The following ASPSCR1 variants were observed in gnomAD, a reference collection of about 807,000 sequenced individuals.
ASPSCR1 encodes ASPSCR1 tether for SLC2A4, UBX domain containing.
Under a neutral mutation model 68.9 loss-of-function variants are expected in ASPSCR1, and 55 were observed. The ratio of observed to expected loss-of-function variants is 0.80; its 90% CI spans 0.64 to 1.00. ASPSCR1 has a LOEUF of 1.00. ASPSCR1 is among the 50% of genes least tolerant of loss of function. The pLI is 0.00. For missense variants in ASPSCR1, 765 were observed against 762.2 expected, an observed-to-expected ratio of 1.00 and a Z score of -0.04; for synonymous variants, 352 against 332.6, an observed-to-expected ratio of 1.06 and a Z score of -0.63.
rs372283666 is a variant in ASPSCR1 at position 82,009,034 on chromosome 17, C to CAGCCCGTGGACCGGG, written c.951_965dup. On this transcript the variant is annotated splice_polypyrimidine_tract_variant and splice_region_variant and intron_variant, in intron 7 of 15. Coordinates refer to ENST00000306739, the MANE Select transcript of ASPSCR1 (RefSeq NM_024083.4). ...CGCCGTCAGCCGCGCCCTCTGCCTC[C>CAGCCCGTGGACCGGG]AGCCCGTGGACCGGGAGCCCGTGGA... The CAGCCCGTGGACCGGG allele has an allele frequency of 2.3e-3, 3,518 of 1,532,322 alleles. 9 individuals carry two copies. The highest frequency in any genetic ancestry group is 3.4e-3 in the East Asian group (139 of 40,436). The allele number at this position is 1,532,322 out of a possible 1,614,324, so 94.9% of individuals were successfully genotyped here.
intron 7 of ASPSCR1, among the ~76,000 whole-genome samples, chr17:82,003,978 G>T (rs1284198394): frequency 6.6e-6 from 1 of 152,278 alleles, no homozygotes; most frequent in Non-Finnish European, 1.5e-5. Context: ...GCCGGGCCGA[G>T]ACGGTGGGAG....
chr17:82,002,503 C>A (rs886717817), intron 7 of ASPSCR1, among the ~76,000 whole-genome samples: 3 of 152,086 alleles, frequency 2.0e-5, no homozygotes, highest in Non-Finnish European at 4.4e-5. Flanking sequence ...GATCCACTTG[C>A]ATCGGCCTCC....
At chr17:81,994,119 C>T (rs1399077716) in intron 4 of ASPSCR1, among the ~76,000 whole-genome samples, 1 of 152,258 alleles carries the variant, frequency 6.6e-6, no homozygotes, top group African/African-American at 2.4e-5. Context: ...CGGCATGTGC[C>T]CGTCTCCCGG....
chr17:81,981,992 G>A (rs553410002), intron 2 of ASPSCR1, among the ~76,000 whole-genome samples: 21 of 148,880 alleles, frequency 1.4e-4, no homozygotes, highest in Non-Finnish European at 2.4e-4. Context: ...TTTTTGAGAC[G>A]GAGTCTCGCT....
intron 2 of ASPSCR1, among the ~76,000 whole-genome samples, chr17:81,981,601 A>G (rs1218003605): frequency 6.6e-6 from 1 of 152,160 alleles, no homozygotes; most frequent in East Asian, 1.9e-4. Flanking sequence ...CTGGTCTTCA[A>G]GTCCTGACCT....
At chr17:81,985,007 CCTG>C (rs1412121587) in intron 3 of ASPSCR1, among the ~76,000 whole-genome samples, 3 of 132,158 alleles carry the variant, frequency 2.3e-5, no homozygotes, top group Admixed American at 1.5e-4. Flanking sequence ...CCCCCACACA[CCTG>C]CACACACCGC....
chr17:81,991,591 G>A (rs2042168419), intron 4 of ASPSCR1, among the ~76,000 whole-genome samples: 1 of 152,302 alleles, frequency 6.6e-6, no homozygotes, highest in Admixed American at 6.5e-5. Context: ...GTCCGTCCTT[G>A]TCCATTCCTG....
chr17:81,985,937 C>T (rs967206816), intron 4 of ASPSCR1, among the ~76,000 whole-genome samples: 4 of 152,100 alleles, frequency 2.6e-5, no homozygotes, highest in African/African-American at 9.7e-5. Context: ...GCAGGGCTCC[C>T]CATGCTTGAT....
chr17:82,016,180 C>G, intron 12 of ASPSCR1: 1 of 446,196 alleles, frequency 2.2e-6, no homozygotes, highest in Middle Eastern at 6.0e-4. Context: ...GTGCAGAGGC[C>G]AGAGGAGGGA....
At chr17:81,985,469 T>C (rs2041965842) in intron 3 of ASPSCR1, 38 bp from the exon 4 acceptor site, 2 of 1,594,474 alleles carry the variant, frequency 1.3e-6, no homozygotes, top group African/African-American at 1.3e-5. Flanking sequence ...TAGTTGCTTT[T>C]CTTCCTAAGG....
Position 81,997,972 on chromosome 17 carries a change from G to A in ASPSCR1, c.933+1126G>A, listed in dbSNP as rs888683044. ...CTCCCAAGTAGCTGGGACTACAGGC[G>A]TGTGCCACCACGCCCAGCTAATTTT... On this transcript the variant is annotated intron_variant, in intron 7 of 15. Transcript: ENST00000306739. Among the ~76,000 whole-genome samples the A allele has an allele frequency of 3.3e-5, 5 of 151,486 alleles. No homozygotes were observed. The East Asian group carries it at 5.8e-4, about 18-fold the overall frequency.
At chr17:81,991,698 T>G (rs1351306473) in intron 4 of ASPSCR1, among the ~76,000 whole-genome samples, 1 of 152,258 alleles carries the variant, frequency 6.6e-6, no homozygotes, top group African/African-American at 2.4e-5. Context: ...GTCTAGCCGC[T>G]TGGCGGCTGG....
At chr17:81,994,289 C>T (rs576578194) in intron 4 of ASPSCR1, among the ~76,000 whole-genome samples, 1 of 152,232 alleles carries the variant, frequency 6.6e-6, no homozygotes, top group Non-Finnish European at 1.5e-5. Flanking sequence ...CACAGGCAAG[C>T]GGGCGTGAGC....
At chr17:81,995,046 C>T (rs1039985978) in intron 5 of ASPSCR1, 168 bp downstream of exon 5, 7 of 694,450 alleles carry the variant, frequency 1.0e-5, no homozygotes, top group African/African-American at 3.7e-5. Flanking sequence ...CCTCGGAGCC[C>T]GGGCTGCCCC....
chr17:82,017,216 G>C, intron 15 of ASPSCR1, 93 bp from the exon 16 acceptor site: 1 of 1,592,030 alleles, frequency 6.3e-7, no homozygotes, highest in Non-Finnish European at 8.5e-7. Flanking sequence ...TGCTGTGGCC[G>C]GCAGGGCCGA....
chr17:81,999,626 CA>C lies in ASPSCR1; in HGVS notation c.933+2798del, dbSNP rs869273858. On this transcript the variant is annotated intron_variant, in intron 7 of 15. Transcript: ENST00000306739. This position sits in a 1 kb window ranked among gnomAD's most constrained non-coding sequence, Gnocchi z 4.4. ...CGGGTGACAGAGTGAAACTCCATCT[CA>C]AAAAAAAAAAAAAAAAAGAAAACAA... is the stretch of plus-strand genomic sequence containing the variant. 0.021 allele frequency among the ~76,000 whole-genome samples: 1,502 copies of C among 71,992 alleles called. 6 individuals carry two copies. Among genetic ancestry groups the C allele is most frequent in the Middle Eastern group, 0.043 (6 of 140 alleles). The allele number at this position is 71,992 out of a possible 152,430, so 47.2% of individuals were successfully genotyped here.
rs1598391201 is a variant in ASPSCR1, at chr17:81,985,363, G to T, written c.274-144G>T. The T allele has an allele frequency of 5.2e-6, 4 of 763,072 alleles. No homozygotes were observed. In the South Asian group the frequency reaches 6.9e-5, roughly 13 times the overall value. 47.3% of individuals were successfully genotyped at this position (763,072 alleles called of 1,614,324 possible). On this transcript the variant is annotated intron_variant, in intron 3 of 15. Coordinates refer to ENST00000306739, the MANE Select transcript of ASPSCR1 (RefSeq NM_024083.4). ...CCCTCACTCCAGAGTGAATAGGAGG[G>T]TAGCCTTCTCCGTGGGGGTCAGCCT...
chr17:82,000,294 C>G (rs1041435093), intron 7 of ASPSCR1, among the ~76,000 whole-genome samples: 1 of 152,240 alleles, frequency 6.6e-6, no homozygotes, highest in Non-Finnish European at 1.5e-5. Context: ...CGCCCGTGCT[C>G]GCCCGTCGGG....
chr17:82,012,049 C>T (rs1384638015), intron 11 of ASPSCR1, 182 bp from the exon 12 acceptor site: 24 of 771,456 alleles, frequency 3.1e-5, no homozygotes, highest in Admixed American at 1.0e-4. Flanking sequence ...TGCCCCCCAC[C>T]GGCCCTTCCG....
Sources: gnomAD v4.1 joint callset for allele counts (sites outside exome capture counted in the v4.1 genomes callset) on GRCh38, gnomAD v4.1.1 for gene constraint, Gnocchi (gnomAD v3.1) non-coding constraint, MANE v1.5 for transcripts, NCBI Gene and HGNC (gene_info 2026-07-23, HGNC 2026-07-21) for gene names.